Variants in CSMD1 observed in about 807,000 individuals in gnomAD.
The protein encoded by CSMD1 is CUB and Sushi multiple domains 1, also known as CUB and sushi domain-containing protein 1.
Under a neutral mutation model 417.5 loss-of-function variants are expected in CSMD1, and 213 were observed. That is an observed-to-expected ratio of 0.51 (90% CI 0.46 to 0.57). CSMD1 has a LOEUF of 0.57. Among genes scored for constraint, CSMD1 ranks in the 20% least tolerant of loss-of-function variants. The pLI is 0.00. For missense variants in CSMD1, 6,923 were observed against 4,529.7 expected (o/e 1.53, Z -15.17); for synonymous variants, 2,862 against 1,736.8 (o/e 1.65, Z -16.11).
chr8:4,673,869 G>C (rs1373457807), intron 1 of CSMD1, among the ~76,000 whole-genome samples: 3 of 152,120 alleles, frequency 2.0e-5, no homozygotes, highest in East Asian at 3.9e-4. Flanking sequence ...ATGGAAGTGA[G>C]GGGCTGGGGA....
chr8:3,290,152 T>G (rs1318737765), intron 25 of CSMD1, among the ~76,000 whole-genome samples: 1 of 146,834 alleles, frequency 6.8e-6, no homozygotes, highest in Non-Finnish European at 1.5e-5. Context: ...TGCAGCATTA[T>G]TTCTGAGGGC....
At chr8:4,604,900 G>T (rs549804698) in intron 2 of CSMD1, among the ~76,000 whole-genome samples, 1 of 152,128 alleles carries the variant, frequency 6.6e-6, no homozygotes, top group Admixed American at 6.5e-5. Flanking sequence ...ACGGTGTTCG[G>T]GGTTCAGAAT....
At chr8:3,628,543 G>C (rs767814428) in intron 7 of CSMD1, among the ~76,000 whole-genome samples, 8 of 152,328 alleles carry the variant, frequency 5.3e-5, no homozygotes, top group South Asian at 2.1e-4. Flanking sequence ...ATGAAAGCCA[G>C]AGCTGGTTGG....
intron 8 of CSMD1, among the ~76,000 whole-genome samples, chr8:3,593,854 T>C (rs73179200): frequency 0.026 from 3,921 of 152,266 alleles, 83 homozygotes; most frequent in Non-Finnish European, 0.038. Flanking sequence ...TTCTCTATTT[T>C]TCTCTTTCCC....
intron 10 of CSMD1, among the ~76,000 whole-genome samples, chr8:3,518,458 A>G (rs1215328860): frequency 6.6e-6 from 1 of 152,200 alleles, no homozygotes; most frequent in Non-Finnish European, 1.5e-5. Context: ...GACACATAGA[A>G]ACAATATTGC....
chr8:4,547,549 C>A (rs545008579), intron 2 of CSMD1, among the ~76,000 whole-genome samples: 27 of 152,108 alleles, frequency 1.8e-4, no homozygotes, highest in Non-Finnish European at 2.9e-4. Context: ...TTTACCTGTT[C>A]GTAGATACTT....
chr8:4,258,633 G>C (rs1281289411), intron 3 of CSMD1, among the ~76,000 whole-genome samples: 3 of 120,780 alleles, frequency 2.5e-5, no homozygotes, highest in African/African-American at 3.0e-5. Flanking sequence ...TCTAACATGA[G>C]GGCCCCACCT....
At chr8:4,054,166 C>A (rs1191816472) in intron 3 of CSMD1, among the ~76,000 whole-genome samples, 2 of 152,120 alleles carry the variant, frequency 1.3e-5, no homozygotes, top group African/African-American at 4.8e-5. Context: ...TCATTACCAC[C>A]ATCAAGATTT....
At chr8:3,414,890 C>A (rs1426621613) in intron 12 of CSMD1, among the ~76,000 whole-genome samples, 1 of 152,120 alleles carries the variant, frequency 6.6e-6, no homozygotes, top group East Asian at 1.9e-4. Context: ...TCGGGGATGG[C>A]CTGTATCCTA....
At chr8:4,960,397 C>G (rs1285820120) in intron 1 of CSMD1, among the ~76,000 whole-genome samples, 1 of 152,168 alleles carries the variant, frequency 6.6e-6, no homozygotes, top group Non-Finnish European at 1.5e-5. Flanking sequence ...AGCTGGCAAG[C>G]TACCGATCTC....
intron 3 of CSMD1, among the ~76,000 whole-genome samples, chr8:4,225,851 A>G (rs900464715): frequency 6.6e-6 from 1 of 152,190 alleles, no homozygotes; most frequent in African/African-American, 2.4e-5. Context: ...AGCCTAAATG[A>G]AAGTTTTAAC....
intron 3 of CSMD1, among the ~76,000 whole-genome samples, chr8:4,326,050 G>T (rs552038544): frequency 6.6e-6 from 1 of 152,248 alleles, no homozygotes; most frequent in Non-Finnish European, 1.5e-5. Flanking sequence ...GACCTAACAC[G>T]GGATTCTCCA....
intron 3 of CSMD1, among the ~76,000 whole-genome samples, chr8:4,408,088 C>G (rs573502635): frequency 6.6e-6 from 1 of 152,180 alleles, no homozygotes; most frequent in South Asian, 2.1e-4. Context: ...TAAAAGCATG[C>G]TTCACAAAAA....
intron 5 of CSMD1, among the ~76,000 whole-genome samples, chr8:3,894,729 T>G (rs1465550899): frequency 6.6e-6 from 1 of 152,182 alleles, no homozygotes; most frequent in African/African-American, 2.4e-5. Flanking sequence ...GTTTCTTGAT[T>G]AACTAGAATT....
At position 4,909,080 on chromosome 8, in the gene CSMD1, G is replaced by C. The variant is rs9987288; in HGVS notation, c.85+85252C>G. 2.8e-3 allele frequency among the ~76,000 whole-genome samples: 431 copies of C among 152,308 alleles called. 1 individual carries two copies. Among genetic ancestry groups the C allele is most frequent in the African/African-American group, 9.5e-3 (394 of 41,572 alleles). On this transcript the variant is annotated intron_variant, in intron 1 of 69. Coordinates refer to ENST00000635120, the MANE Select transcript of CSMD1 (RefSeq NM_033225.6). ...TGAAGATTTGTGTTAATCGGACTAGGAGTTGGATTATGTTTAATGCTTGCT... is the reference window on the plus strand; with the variant it reads ...TGAAGATTTGTGTTAATCGGACTAGCAGTTGGATTATGTTTAATGCTTGCT...
chr8:4,729,787 T>A (rs984924653), intron 1 of CSMD1, among the ~76,000 whole-genome samples: 1 of 152,206 alleles, frequency 6.6e-6, no homozygotes, highest in Non-Finnish European at 1.5e-5. Flanking sequence ...GATCTATGTA[T>A]AATCAATAAT....
intron 2 of CSMD1, among the ~76,000 whole-genome samples, chr8:4,584,617 C>G (rs990757178): frequency 6.6e-6 from 1 of 152,106 alleles, no homozygotes; most frequent in African/African-American, 2.4e-5. Flanking sequence ...GAAAGCCATG[C>G]AGCTCCGGGG....
chr8:3,452,467 T>A (rs997686185), intron 12 of CSMD1, among the ~76,000 whole-genome samples: 3 of 152,094 alleles, frequency 2.0e-5, no homozygotes, highest in African/African-American at 7.2e-5. Context: ...CATAGATAGG[T>A]TTTATTATTT....
chr8:4,249,686 T>C (rs540811804), intron 3 of CSMD1, among the ~76,000 whole-genome samples: 8 of 152,108 alleles, frequency 5.3e-5, no homozygotes, highest in African/African-American at 1.9e-4. Context: ...CCTACCGCTG[T>C]TGTAGCGAAA....
Sources: gnomAD v4.1 joint callset for allele counts (sites outside exome capture counted in the v4.1 genomes callset) on GRCh38, gnomAD v4.1.1 for gene constraint, MANE v1.5 for transcripts, NCBI Gene and HGNC (gene_info 2026-07-23, HGNC 2026-07-21) for gene names.